CNOT6L: variants seen among roughly 807,000 people sequenced by gnomAD.
The protein encoded by CNOT6L is CCR4-NOT transcription complex subunit 6-like.
CNOT6L carries 7 observed loss-of-function variants against 64.0 expected under a neutral mutation model. The observed-to-expected ratio is 0.11, with a 90% CI of 0.06 to 0.21. CNOT6L has a LOEUF of 0.21. Ranked by LOEUF, CNOT6L falls within the 10% of genes least tolerant of loss-of-function variation. CNOT6L has a pLI of 1.00. For synonymous variants in CNOT6L, 193 were observed against 243.4 expected (o/e 0.79, Z 1.93); for missense variants, 245 against 669.0 (o/e 0.37, Z 6.99).
At chr4:77,796,887 C>A (rs1264796724) in intron 1 of CNOT6L, among the ~76,000 whole-genome samples, 1 of 151,892 alleles carries the variant, frequency 6.6e-6, no homozygotes, top group Admixed American at 6.6e-5. Context: ...TCGAGACCAG[C>A]CTGGACAACA....
intron 11 of CNOT6L, among the ~76,000 whole-genome samples, chr4:77,725,109 C>G (rs1182227060): frequency 2.0e-5 from 3 of 152,296 alleles, no homozygotes; most frequent in African/African-American, 7.2e-5. Context: ...ATTGAATTAT[C>G]TTTTCTAATA....
intron 8 of CNOT6L, among the ~76,000 whole-genome samples, chr4:77,740,021 T>C (rs1397215400): frequency 1.7e-5 from 1 of 60,240 alleles, no homozygotes; most frequent in Admixed American, 2.2e-4. Flanking sequence ...TCAAGTTTAC[T>C]GGTGCATTTT....
At chr4:77,782,176 A>G (rs1728933597) in intron 1 of CNOT6L, among the ~76,000 whole-genome samples, 2 of 152,168 alleles carry the variant, frequency 1.3e-5, no homozygotes, top group Non-Finnish European at 2.9e-5. Context: ...GTGTCTTACT[A>G]CATACTCATC....
In CNOT6L at chr4:77,729,053, T is replaced by C; in HGVS notation, c.1053A>G (p.Lys351=). The C allele has an allele frequency of 6.2e-7, 1 of 1,613,140 alleles. No homozygotes were observed. The highest frequency in any genetic ancestry group is 1.1e-5 in the South Asian group (1 of 91,068). ...GGGCATTTGCCACTATAAGCAGCTG[T>C]TTGTCTGCAGCATGAATAGGCTTCA... is the stretch of plus-strand genomic sequence containing the variant. ...AGMKPIHAAD[K]QLLIVANAHM... is the part of the protein sequence containing the mutation. The change falls in exon 10 of 12, where the codon AAA becomes AAG. Residue 351 remains lysine (K), a synonymous_variant. Transcript: ENST00000504123.
chr4:77,758,976 G>A (rs1313016033), intron 4 of CNOT6L, among the ~76,000 whole-genome samples: 3 of 151,862 alleles, frequency 2.0e-5, no homozygotes, highest in African/African-American at 7.3e-5. Context: ...GCTCACTAAG[G>A]CAGACCTAAT....
chr4:77,783,265 T>G (rs1729096586), intron 1 of CNOT6L, among the ~76,000 whole-genome samples: 1 of 152,170 alleles, frequency 6.6e-6, no homozygotes, highest in Admixed American at 6.5e-5. Context: ...TTAACATTTA[T>G]TCAAGAAATA....
intron 1 of CNOT6L, among the ~76,000 whole-genome samples, chr4:77,810,899 A>G (rs1221570477): frequency 1.3e-5 from 2 of 151,664 alleles, no homozygotes; most frequent in Non-Finnish European, 2.9e-5. Context: ...GTGGTGTTTT[A>G]CCTTTCTGTT....
intron 1 of CNOT6L, among the ~76,000 whole-genome samples, chr4:77,801,701 G>GGGA (rs10663911): frequency 2.1e-4 from 20 of 97,234 alleles, no homozygotes; most frequent in South Asian, 7.7e-4. Flanking sequence ...GGGGGGGGGG[G>GGGA]AGAATGAAAC....
intron 1 of CNOT6L, among the ~76,000 whole-genome samples, chr4:77,812,891 T>G (rs757659889): frequency 2.0e-5 from 3 of 151,034 alleles, no homozygotes; most frequent in Admixed American, 6.6e-5. Context: ...AAAAAAAGAG[T>G]TTTTCATTTT....
intron 4 of CNOT6L, among the ~76,000 whole-genome samples, chr4:77,760,633 C>T (rs1726095867): frequency 6.7e-6 from 1 of 150,104 alleles, no homozygotes; most frequent in African/African-American, 2.4e-5. Flanking sequence ...GGCAATAAAA[C>T]TGATACATTT....
At chr4:77,815,076 G>A (rs890529380) in intron 1 of CNOT6L, among the ~76,000 whole-genome samples, 3 of 152,076 alleles carry the variant, frequency 2.0e-5, no homozygotes, top group African/African-American at 7.2e-5. Flanking sequence ...AGAGAATATG[G>A]TAAGGTCCAC....
Position 77,819,299 on chromosome 4 carries a change from T to C in CNOT6L, c.5+5A>G. 1 of 1,612,998 alleles carries C rather than the reference T, an allele frequency of 6.2e-7. No individual in the cohort carries two copies. On this transcript the variant is annotated splice_donor_5th_base_variant and intron_variant, in intron 1 of 11. Transcript: ENST00000504123. ...GTCCTACTCGGAGGCAAAAGAACAC[T>C]CTACCTCATTCTCTTCCTCTGGCCC...
rs182827213 is a variant in CNOT6L at position 77,803,777 on chromosome 4, C to G, written c.5+15527G>C. On this transcript the variant is annotated intron_variant, in intron 1 of 11. Transcript: ENST00000504123. ...AATTAGCCGGGTGTGGTGGCACATG[C>G]CAGTAATCCCAGCTACTCGGGAGGC... 1.1e-3 allele frequency among the ~76,000 whole-genome samples: 167 copies of G among 152,186 alleles called. 1 individual carries two copies. Among genetic ancestry groups the G allele is most frequent in the African/African-American group, 3.7e-3 (154 of 41,536 alleles).
intron 8 of CNOT6L, among the ~76,000 whole-genome samples, chr4:77,737,810 C>T (rs1293727936): frequency 6.6e-6 from 1 of 151,972 alleles, no homozygotes. Context: ...TATCTATATT[C>T]GAAAGGTACA....
At chr4:77,819,072 A>ACACC (rs1553900900) in intron 1 of CNOT6L, 1 of 729,838 alleles carries the variant, frequency 1.4e-6, no homozygotes, top group East Asian at 2.7e-5. Context: ...ACACACACAC[A>ACACC]CACCCCGGAA....
At position 77,714,813 on chromosome 4, in the gene CNOT6L, G is replaced by A. The variant is rs1011818625; in HGVS notation, c.*5618C>T. 6.6e-6 allele frequency: 1 copy of A among 152,578 alleles called. No individual in the cohort carries two copies. The highest frequency in any genetic ancestry group is 1.5e-5 in the Non-Finnish European group (1 of 68,032). The allele number at this position is 152,578 out of a possible 1,614,324, so 9.5% of individuals were successfully genotyped here. On this transcript the variant is annotated 3_prime_UTR_variant, in exon 12 of 12. Coordinates refer to ENST00000504123, the MANE Select transcript of CNOT6L (RefSeq NM_144571.3). Reference sequence around the variant, plus strand: ...TTTAGCAAGTTAAGCACAGAGAAAGGACAGTACAGTTTCTAAGTAAATACA... The same window carrying A: ...TTTAGCAAGTTAAGCACAGAGAAAGAACAGTACAGTTTCTAAGTAAATACA...
intron 1 of CNOT6L, among the ~76,000 whole-genome samples, chr4:77,784,689 T>C (rs1729247268): frequency 6.6e-6 from 1 of 152,122 alleles, no homozygotes; most frequent in African/African-American, 2.4e-5. Flanking sequence ...TTCACCATGT[T>C]GCCCAGGCTG....
At chr4:77,796,907 C>T (rs1340919854) in intron 1 of CNOT6L, among the ~76,000 whole-genome samples, 3 of 151,590 alleles carry the variant, frequency 2.0e-5, no homozygotes, top group Non-Finnish European at 4.4e-5. Flanking sequence ...ATGGCAAAAC[C>T]CCATGTCTAA....
intron 4 of CNOT6L, among the ~76,000 whole-genome samples, chr4:77,766,586 G>T (rs2110033950): frequency 6.6e-6 from 1 of 151,802 alleles, no homozygotes; most frequent in African/African-American, 2.4e-5. Context: ...AATGATTACT[G>T]CATGTAAAAC....
Sources: allele counts gnomAD v4.1 joint callset (sites outside exome capture counted in the v4.1 genomes callset), GRCh38; gene constraint gnomAD v4.1.1; transcripts MANE v1.5; gene names NCBI Gene and HGNC (gene_info 2026-07-23, HGNC 2026-07-21).